The following NLRP13 variants were observed in gnomAD, a reference collection of about 807,000 sequenced individuals.
The protein encoded by NLRP13 is NACHT, LRR and PYD domains-containing protein 13.
Under a neutral mutation model 94.4 loss-of-function variants are expected in NLRP13, and 82 were observed. The ratio of observed to expected loss-of-function variants is 0.87; its 90% CI spans 0.73 to 1.04. NLRP13 has a LOEUF of 1.04. Among genes scored for constraint, NLRP13 ranks in the 50% least tolerant of loss-of-function variants. NLRP13 has a pLI of 0.00. For missense variants in NLRP13, 1,426 were observed against 1,230.8 expected (o/e 1.16, Z -2.37); for synonymous variants, 553 against 464.7 (o/e 1.19, Z -2.45).
At chr19:55,901,238 C>A (rs1159026462) in intron 9 of NLRP13, among the ~76,000 whole-genome samples, 1 of 152,220 alleles carries the variant, frequency 6.6e-6, no homozygotes, top group East Asian at 1.9e-4. Context: ...TTTGGCCCGT[C>A]GCCACGAGAG....
intron 1 of NLRP13, among the ~76,000 whole-genome samples, chr19:55,925,486 G>T (rs1333857470): frequency 6.6e-6 from 1 of 152,200 alleles, no homozygotes; most frequent in East Asian, 1.9e-4. Context: ...TGTCTAGGGA[G>T]ATGGCTAGTC....
rs747082414 is a variant in NLRP13, at chr19:55,911,963, C to G, written c.1854G>C (p.Lys618Asn). The change falls in exon 5 of 11, where the codon AAG becomes AAC. Residue 618 changes from lysine to asparagine, a missense_variant. Transcript: ENST00000342929. Reference sequence around the variant, plus strand: ...CAGCCTTACCTAACTCTTCTCCCCACTTTAATAATTCCTCCATTACCCTGG... The same window carrying G: ...CAGCCTTACCTAACTCTTCTCCCCAGTTTAATAATTCCTCCATTACCCTGG... ...ISPRVMEELL[K>N]WGEELGKAES... 12 of 1,614,102 alleles carry G rather than the reference C, an allele frequency of 7.4e-6. No homozygotes were observed. The highest frequency in any genetic ancestry group is 9.3e-6 in the Non-Finnish European group (11 of 1,180,046).
At chr19:55,895,908 C>T, downstream of NLRP13, 1 of 1,601,276 alleles carries the variant, frequency 6.2e-7, no homozygotes, top group Non-Finnish European at 8.5e-7. Flanking sequence ...CTAGCCTTGT[C>T]CCTGTATGTT....
At position 55,896,219 on chromosome 19, in the gene NLRP13, A is replaced by G. The variant is rs1218370979; in HGVS notation, c.2958-100T>C. 6 of 1,331,824 alleles carry G rather than the reference A, an allele frequency of 4.5e-6. No homozygotes were observed. In the Admixed American group the frequency reaches 1.3e-4, roughly 28 times the overall value. The allele number at this position is 1,331,824 out of a possible 1,614,324, so 82.5% of individuals were successfully genotyped here. Reference sequence around the variant, plus strand: ...GCAGGAAAAAAACTATTACTAAAGCAGACTGCTTAAGAGTGGAGCACTTGG... The same window carrying G: ...GCAGGAAAAAAACTATTACTAAAGCGGACTGCTTAAGAGTGGAGCACTTGG... On this transcript the variant is annotated intron_variant, in intron 10 of 10. Transcript: ENST00000342929.
Position 55,905,008 on chromosome 19 carries a change from T to G in NLRP13, c.2552A>C (p.Gln851Pro). 1.2e-6 allele frequency: 2 copies of G among 1,613,906 alleles called. No individual in the cohort carries two copies. Among genetic ancestry groups the G allele is most frequent in the Non-Finnish European group, 1.7e-6 (2 of 1,179,964 alleles). Residue 851 changes from glutamine (Q) to proline (P), a missense_variant, in exon 8 of 11, where the codon CAA (glutamine) becomes CCA (proline). Physicochemically the swap from Gln to Pro is moderately conservative, Grantham distance 76. Transcript: ENST00000342929. The stretch of plus-strand genomic sequence containing the variant: ...ACACAATAGCTTTATGCCATCATCT[T>G]GGAGCCGATTAAATCCCAGGCACAA... The part of the protein sequence containing the change: ...TRLCLGFNRL[Q>P]DDGIKLLCAA...
intron 8 of NLRP13, among the ~76,000 whole-genome samples, chr19:55,902,834 TTACA>T (rs1358720728): frequency 2.7e-5 from 4 of 149,942 alleles, no homozygotes; most frequent in Non-Finnish European, 3.0e-5. Context: ...TAACTATATA[TTACA>T]TACATATATT....
At chr19:55,923,683 GA>G (rs1285048950) in intron 4 of NLRP13, among the ~76,000 whole-genome samples, 3 of 152,160 alleles carry the variant, frequency 2.0e-5, no homozygotes, top group Non-Finnish European at 4.4e-5. Flanking sequence ...TCTTTCACTG[GA>G]TATCTGTGTC....
At chr19:55,898,559 G>C (rs1042262978) in intron 10 of NLRP13, among the ~76,000 whole-genome samples, 1 of 151,920 alleles carries the variant, frequency 6.6e-6, no homozygotes. Flanking sequence ...TGGTCAGGCT[G>C]CTCTCGAACT....
intron 8 of NLRP13, among the ~76,000 whole-genome samples, chr19:55,903,630 C>T (rs569039045): frequency 6.6e-6 from 1 of 152,096 alleles, no homozygotes; most frequent in African/African-American, 2.4e-5. Context: ...TCTTCTTACC[C>T]AGACCCTGCT....
intron 4 of NLRP13, among the ~76,000 whole-genome samples, chr19:55,921,644 ATTAAG>A (rs1475072722): frequency 2.0e-5 from 3 of 152,320 alleles, no homozygotes; most frequent in South Asian, 4.2e-4. Flanking sequence ...AGAAAAAGAG[ATTAAG>A]TTAAGGATCT....
At chr19:55,897,427 G>A (rs867149856) in intron 10 of NLRP13, among the ~76,000 whole-genome samples, 2 of 152,212 alleles carry the variant, frequency 1.3e-5, no homozygotes, top group African/African-American at 2.4e-5. Flanking sequence ...GGCTGAGGAG[G>A]AAGGATTGCT....
chr19:55,926,160 A>G (rs1008403466), intron 1 of NLRP13, among the ~76,000 whole-genome samples: 11 of 152,170 alleles, frequency 7.2e-5, no homozygotes, highest in African/African-American at 2.7e-4. Flanking sequence ...AACGAATCCA[A>G]CGATGTGAGC....
chr19:55,899,558 G>C (rs1986108372), intron 9 of NLRP13, among the ~76,000 whole-genome samples: 1 of 152,048 alleles, frequency 6.6e-6, no homozygotes, highest in Admixed American at 6.6e-5. Flanking sequence ...GAGGCGGGTG[G>C]ATCATGAGGT....
intron 10 of NLRP13, among the ~76,000 whole-genome samples, chr19:55,896,519 A>T (rs1302982100): frequency 3.3e-5 from 1 of 30,228 alleles, no homozygotes; most frequent in Non-Finnish European, 6.0e-5. Context: ...ATTCTGTCTC[A>T]AAAAAAAAAA....
chr19:55,898,951 A>G lies in NLRP13; in HGVS notation c.2790-14T>C, dbSNP rs1369916165. The G allele has an allele frequency of 5.0e-6, 8 of 1,605,716 alleles. No individual in the cohort carries two copies. The highest frequency in any genetic ancestry group is 5.1e-6 in the Non-Finnish European group (6 of 1,176,950). ...CAACCTGACAAACTGCAAAATAAAA[A>G]CATACAAAAGGGGGGAAAGTAATTG... On this transcript the variant is annotated splice_polypyrimidine_tract_variant and intron_variant, in intron 9 of 10. Transcript: ENST00000342929.
chr19:55,903,701 A>AT (rs1364676649), intron 8 of NLRP13, among the ~76,000 whole-genome samples: 4 of 151,412 alleles, frequency 2.6e-5, no homozygotes, highest in African/African-American at 9.7e-5. Context: ...TGCCAACCTC[A>AT]CCCTCTGGGA....
At chr19:55,894,961 G>A (rs1023828352), downstream of NLRP13, among the ~76,000 whole-genome samples, 15 of 152,270 alleles carry the variant, frequency 9.9e-5, no homozygotes, top group South Asian at 2.9e-3. Context: ...GTAGGTTGAT[G>A]CAAAAGTAAT....
At chr19:55,926,490 A>T (rs981917386) in intron 1 of NLRP13, among the ~76,000 whole-genome samples, 3 of 152,164 alleles carry the variant, frequency 2.0e-5, no homozygotes, top group African/African-American at 7.2e-5. Context: ...CACTTATCTG[A>T]GTATGTTTTA....
At chr19:55,927,317 G>A (rs575596664) in intron 1 of NLRP13, among the ~76,000 whole-genome samples, 2 of 150,020 alleles carry the variant, frequency 1.3e-5, no homozygotes, top group East Asian at 2.0e-4. Flanking sequence ...GCAGTGAGCC[G>A]AGATCATGCC....
Sources: gnomAD v4.1 joint callset for allele counts (sites outside exome capture counted in the v4.1 genomes callset) on GRCh38, gnomAD v4.1.1 for gene constraint, MANE v1.5 for transcripts, NCBI Gene and HGNC (gene_info 2026-07-23, HGNC 2026-07-21) for gene names.